ZFR: variants seen among roughly 807,000 people sequenced by gnomAD.
The protein encoded by ZFR is zinc finger RNA-binding protein.
Under a neutral mutation model 130.7 loss-of-function variants are expected in ZFR, and 19 were observed. The observed-to-expected ratio is 0.15, with a 90% confidence interval of 0.10 to 0.21. ZFR has a LOEUF of 0.21. ZFR is among the 10% of genes least tolerant of loss of function. ZFR has a pLI of 1.00. For synonymous variants in ZFR, 466 were observed against 456.9 expected (o/e 1.02, Z -0.25); for missense variants, 872 against 1,321.5 (o/e 0.66, Z 5.27).
Position 32,395,272 on chromosome 5 carries a change from T to A in ZFR, c.1866A>T (p.Val622=). 6.3e-7 allele frequency: 1 copy of A among 1,594,428 alleles called. No individual in the cohort carries two copies. The highest frequency in any genetic ancestry group is 1.8e-5 in the Admixed American group (1 of 55,632). The change falls in exon 11 of 20, where the codon GTA becomes GTT. Residue 622 remains valine, a synonymous_variant. Coordinates refer to ENST00000265069, the MANE Select transcript of ZFR (RefSeq NM_016107.5). ...TCTTTCTTGCTCGAATACTAGGCTTTACTTCTACTTGCAAATCTGGATTTA... is the reference window on the plus strand; with the variant it reads ...TCTTTCTTGCTCGAATACTAGGCTTAACTTCTACTTGCAAATCTGGATTTA... ...KKVNPDLQVE[V]KPSIRARKIQ...
intron 15 of ZFR, among the ~76,000 whole-genome samples, chr5:32,381,159 T>A (rs908553996): frequency 6.6e-6 from 1 of 152,306 alleles, no homozygotes; most frequent in African/African-American, 2.4e-5. Flanking sequence ...CCTGTGACGA[T>A]AGATGTGTAG....
intron 2 of ZFR, among the ~76,000 whole-genome samples, chr5:32,429,111 G>C (rs988245317): frequency 1.3e-5 from 2 of 149,962 alleles, no homozygotes; most frequent in Non-Finnish European, 2.9e-5. Flanking sequence ...TCAGCCTCCC[G>C]AGTAGCTGGG....
At chr5:32,367,456 T>C (rs912973305) in intron 17 of ZFR, among the ~76,000 whole-genome samples, 1 of 55,190 alleles carries the variant, frequency 1.8e-5, no homozygotes, top group Non-Finnish European at 3.4e-5. Flanking sequence ...AATAAATAAA[T>C]AAATAAAGTA....
At chr5:32,394,797 T>C (rs1753263370) in intron 11 of ZFR, among the ~76,000 whole-genome samples, 1 of 152,204 alleles carries the variant, frequency 6.6e-6, no homozygotes, top group Non-Finnish European at 1.5e-5. Flanking sequence ...AAAGTTTCTT[T>C]ATGGACATTA....
chr5:32,440,528 T>A (rs1279402714), intron 2 of ZFR, among the ~76,000 whole-genome samples: 1 of 151,834 alleles, frequency 6.6e-6, no homozygotes, highest in Non-Finnish European at 1.5e-5. Flanking sequence ...ACGCCTGTAA[T>A]CCCAGCTACT....
intron 9 of ZFR, among the ~76,000 whole-genome samples, chr5:32,398,635 A>T (rs1451214862): frequency 6.6e-6 from 1 of 152,218 alleles, no homozygotes; most frequent in African/African-American, 2.4e-5. Context: ...TCCATAACCC[A>T]GCTATCCACC....
chr5:32,409,018 AG>A (rs1753642571), intron 5 of ZFR, among the ~76,000 whole-genome samples: 1 of 152,182 alleles, frequency 6.6e-6, no homozygotes, highest in African/African-American at 2.4e-5. Flanking sequence ...TATTGGAGTT[AG>A]GGGGTCCTAA....
rs546443385 is a variant in ZFR, at chr5:32,402,173, G to A, written c.1516+933C>T. Among the ~76,000 whole-genome samples, 11 of 152,254 alleles carry A rather than the reference G, an allele frequency of 7.2e-5. No individual in the cohort carries two copies. In the South Asian group the frequency reaches 2.3e-3, roughly 32 times the overall value. ...CATTAATAGAGGCGGACAGTGAGAC[G>A]AGGGCCAGGGTTATAATCTTAGTAA... On this transcript the variant is annotated intron_variant, in intron 8 of 19. Transcript: ENST00000265069.
At chr5:32,441,953 CA>C (rs35866465) in intron 2 of ZFR, among the ~76,000 whole-genome samples, 1 of 150,300 alleles carries the variant, frequency 6.7e-6, no homozygotes, top group African/African-American at 2.4e-5. Context: ...GTTTCAAGGC[CA>C]AAAAAAAAAT....
In ZFR at chr5:32,417,722, G is replaced by A; in HGVS notation, c.491C>T (p.Pro164Leu). The change falls in exon 4 of 20, where the codon CCA becomes CTA. Residue 164 changes from proline to leucine, a missense_variant. Transcript: ENST00000265069. ...AGCTACAGCAGCAGCAGTTGCTGTT[G>A]GTTGTTGGTAGTATTGCTTACTATC... ...AYDSKQYYQQ[P>L]TATAAAVAAA... 1 of 1,613,962 alleles carries A rather than the reference G, an allele frequency of 6.2e-7. No individual in the cohort carries two copies. Among genetic ancestry groups the A allele is most frequent in the Admixed American group, 1.7e-5 (1 of 60,016 alleles).
chr5:32,404,603 T>C (rs763413271), intron 6 of ZFR, among the ~76,000 whole-genome samples: 20 of 152,212 alleles, frequency 1.3e-4, no homozygotes, highest in Non-Finnish European at 2.6e-4. Context: ...TTAGAATCCA[T>C]GGCCCTTAAA....
intron 5 of ZFR, among the ~76,000 whole-genome samples, chr5:32,410,569 C>T (rs1273431055): frequency 6.6e-6 from 1 of 151,448 alleles, no homozygotes. Flanking sequence ...GATGGTGCCA[C>T]TGCACTCCAG....
chr5:32,408,326 A>C (rs1388656808), intron 5 of ZFR, among the ~76,000 whole-genome samples: 2 of 101,272 alleles, frequency 2.0e-5, no homozygotes, highest in African/African-American at 3.3e-5. Flanking sequence ...AAAAAAAAAA[A>C]AAAAAAAAAA....
At chr5:32,421,276 T>G (rs911077091) in intron 2 of ZFR, among the ~76,000 whole-genome samples, 3 of 152,110 alleles carry the variant, frequency 2.0e-5, no homozygotes, top group African/African-American at 7.2e-5. Context: ...CTGACCACAT[T>G]TTAGTATGAG....
chr5:32,380,255 GT>G (rs1475671583), intron 15 of ZFR, 83 bp from the exon 16 acceptor site: 8 of 969,358 alleles, frequency 8.3e-6, no homozygotes, highest in African/African-American at 1.6e-5. Context: ...GGTAGCATCA[GT>G]GTCACATGAG....
intron 1 of ZFR, 51 bp downstream of exon 1, chr5:32,444,571 G>T: frequency 6.9e-7 from 1 of 1,444,502 alleles, no homozygotes; most frequent in Non-Finnish European, 9.1e-7. Flanking sequence ...CCCGCTGCCC[G>T]GGGCCAGGGA....
In ZFR at chr5:32,373,198, G is replaced by T. The variant is rs148904699; in HGVS notation, c.2835+5917C>A. ...TCATGAGATGAGGAGTTCAAGACCA[G>T]CCTGGCCAACATGGTGAAAACCCAT... On this transcript the variant is annotated intron_variant, in intron 17 of 19. Transcript: ENST00000265069. 8.6e-3 allele frequency among the ~76,000 whole-genome samples: 1,308 copies of T among 152,130 alleles called. 24 individuals are homozygous for T. Among genetic ancestry groups the T allele is most frequent in the African/African-American group, 0.03 (1,245 of 41,498 alleles).
intron 11 of ZFR, among the ~76,000 whole-genome samples, chr5:32,391,984 T>G (rs1243954615): frequency 6.6e-6 from 1 of 152,184 alleles, no homozygotes; most frequent in African/African-American, 2.4e-5. Flanking sequence ...TTGCCCGCCT[T>G]GGCCTCCCAA....
intron 2 of ZFR, among the ~76,000 whole-genome samples, chr5:32,430,866 A>G (rs907230059): frequency 2.0e-5 from 3 of 152,196 alleles, no homozygotes; most frequent in Admixed American, 6.5e-5. Flanking sequence ...TCTTGAGTCC[A>G]GGAGTTTGAG....
Sources: gnomAD v4.1 joint callset for allele counts (sites outside exome capture counted in the v4.1 genomes callset) on GRCh38, gnomAD v4.1.1 for gene constraint, MANE v1.5 for transcripts, NCBI Gene and HGNC (gene_info 2026-07-23, HGNC 2026-07-21) for gene names.